WWOX: variants seen among roughly 807,000 people sequenced by gnomAD.
WWOX encodes the protein WW domain-containing oxidoreductase.
A neutral mutation model predicts 46.2 loss-of-function variants in WWOX; 69 were observed. That is an observed-to-expected ratio of 1.49 (90% CI 1.23 to 1.82). The LOEUF (loss-of-function observed/expected upper bound fraction) is 1.82. Among genes scored for constraint, WWOX ranks in the 40% most tolerant of loss-of-function variants. The pLI is 0.00. For synonymous variants in WWOX, 359 were observed against 202.6 expected, an observed-to-expected ratio of 1.77 and a Z score of -6.56; for missense variants, 919 against 542.6, an observed-to-expected ratio of 1.69 and a Z score of -6.89.
chr16:78,126,161 A>G (rs1296541202), intron 4 of WWOX, among the ~76,000 whole-genome samples: 1 of 152,200 alleles, frequency 6.6e-6, no homozygotes, highest in Non-Finnish European at 1.5e-5. Flanking sequence ...AGTGTGGTAC[A>G]TTCGGGTGGT....
chr16:78,446,763 C>T (rs571189635), intron 8 of WWOX, among the ~76,000 whole-genome samples: 1 of 147,840 alleles, frequency 6.8e-6, no homozygotes, highest in Admixed American at 6.8e-5. Context: ...CAAGTTCAAG[C>T]CATTCTCCAG....
chr16:78,275,150 A>G (rs1232910752), intron 5 of WWOX, among the ~76,000 whole-genome samples: 1 of 152,136 alleles, frequency 6.6e-6, no homozygotes, highest in Non-Finnish European at 1.5e-5. Flanking sequence ...ATGTAATTAT[A>G]AGATCTAAAA....
chr16:78,953,535 G>T (rs904542229), intron 8 of WWOX, among the ~76,000 whole-genome samples: 1 of 152,080 alleles, frequency 6.6e-6, no homozygotes, highest in Admixed American at 6.6e-5. Flanking sequence ...TTTACTGTTG[G>T]CTTCCTTCAG....
At chr16:79,055,776 A>G (rs2048250725) in intron 8 of WWOX, among the ~76,000 whole-genome samples, 1 of 152,222 alleles carries the variant, frequency 6.6e-6, no homozygotes. Flanking sequence ...AGTACAAAGT[A>G]TATGTAGCAA....
At chr16:78,303,234 A>T (rs867448604) in intron 5 of WWOX, among the ~76,000 whole-genome samples, 30 of 152,350 alleles carry the variant, frequency 2.0e-4, no homozygotes, top group Non-Finnish European at 5.9e-5. Context: ...GCAATGACAA[A>T]TTCTTTTTCT....
At chr16:78,323,974 T>G (rs770339572) in intron 5 of WWOX, among the ~76,000 whole-genome samples, 1 of 152,154 alleles carries the variant, frequency 6.6e-6, no homozygotes, top group Non-Finnish European at 1.5e-5. Flanking sequence ...CTAGGCATTT[T>G]TGGATGCATT....
intron 5 of WWOX, among the ~76,000 whole-genome samples, chr16:78,272,982 G>A (rs2079509291): frequency 6.6e-6 from 1 of 152,162 alleles, no homozygotes; most frequent in South Asian, 2.1e-4. Context: ...ATAATAGATG[G>A]TTACTGATTA....
intron 8 of WWOX, among the ~76,000 whole-genome samples, chr16:78,587,228 G>C (rs1164933122): frequency 7.8e-6 from 1 of 128,572 alleles, no homozygotes; most frequent in East Asian, 2.3e-4. Context: ...TAGAAACAGA[G>C]TCTCTCTATG....
rs1013590357 is a variant in WWOX at position 78,586,137 on chromosome 16, G to C, written c.1056+153385G>C. On this transcript the variant is annotated intron_variant, in intron 8 of 8. Coordinates refer to ENST00000566780, the MANE Select transcript of WWOX (RefSeq NM_016373.4). ...TTTGGGAGGCTGAGGTGGGAGGATT[G>C]TTTGAGCCCCGGAGTTCAAGACTAG... 4.5e-4 allele frequency among the ~76,000 whole-genome samples: 68 copies of C among 152,086 alleles called. 1 individual carries two copies. Among genetic ancestry groups the C allele is most frequent in the East Asian group, 1.9e-4 (1 of 5,182 alleles).
intron 5 of WWOX, among the ~76,000 whole-genome samples, chr16:78,366,055 C>T (rs1322524266): frequency 6.6e-6 from 1 of 152,028 alleles, no homozygotes; most frequent in Non-Finnish European, 1.5e-5. Flanking sequence ...ATCTTTCGGC[C>T]CATTGGAAAA....
intron 8 of WWOX, among the ~76,000 whole-genome samples, chr16:78,563,469 A>T (rs2044487059): frequency 6.7e-6 from 1 of 149,232 alleles, no homozygotes; most frequent in Non-Finnish European, 1.5e-5. Context: ...TGTGTTCAGG[A>T]TACGGGCACT....
chr16:78,869,222 G>T (rs901178743), intron 8 of WWOX, among the ~76,000 whole-genome samples: 2 of 152,134 alleles, frequency 1.3e-5, no homozygotes, highest in African/African-American at 4.8e-5. Flanking sequence ...TGGGGTCCAA[G>T]CCTCCCTGAA....
intron 8 of WWOX, among the ~76,000 whole-genome samples, chr16:78,596,897 C>G (rs2045504354): frequency 6.6e-6 from 1 of 152,124 alleles, no homozygotes; most frequent in African/African-American, 2.4e-5. Flanking sequence ...GCCAGCTCTC[C>G]AAAGCAAGCC....
chr16:79,173,044 G>C (rs1178146725), intron 8 of WWOX, among the ~76,000 whole-genome samples: 3 of 152,146 alleles, frequency 2.0e-5, no homozygotes, highest in African/African-American at 7.2e-5. Context: ...AAATGCCTCT[G>C]TGAATCCATT....
At chr16:78,622,144 A>G (rs890822279) in intron 8 of WWOX, among the ~76,000 whole-genome samples, 2 of 152,162 alleles carry the variant, frequency 1.3e-5, no homozygotes, top group Admixed American at 6.5e-5. Flanking sequence ...AGATATGACT[A>G]TTGGGAAGAA....
chr16:78,140,553 G>C (rs557995150), intron 4 of WWOX, among the ~76,000 whole-genome samples: 11 of 152,220 alleles, frequency 7.2e-5, no homozygotes, highest in African/African-American at 2.6e-4. Flanking sequence ...GGTAGCCCTA[G>C]ATGTTCATTG....
chr16:78,719,164 C>A (rs900549503), intron 8 of WWOX, among the ~76,000 whole-genome samples: 1 of 152,162 alleles, frequency 6.6e-6, no homozygotes, highest in South Asian at 2.1e-4. Flanking sequence ...TCTCTTTCTT[C>A]CCAAAGCCTG....
At chr16:78,174,817 G>A (rs1039245381) in intron 5 of WWOX, among the ~76,000 whole-genome samples, 65 of 152,052 alleles carry the variant, frequency 4.3e-4, no homozygotes, top group African/African-American at 1.4e-3. Flanking sequence ...GTGAAACCCC[G>A]TCTCTACTGA....
intron 8 of WWOX, chr16:78,756,902 G>A (rs539029067): frequency 4.3e-6 from 3 of 702,928 alleles, no homozygotes; most frequent in Non-Finnish European, 7.8e-6. Flanking sequence ...TAAAAATATT[G>A]AGGCTTCTGC....
Sources: allele counts gnomAD v4.1 joint callset (sites outside exome capture counted in the v4.1 genomes callset), GRCh38; gene constraint gnomAD v4.1.1; transcripts MANE v1.5; gene names NCBI Gene and HGNC (gene_info 2026-07-23, HGNC 2026-07-21).